The following KHSRP variants were observed in gnomAD, a reference collection of about 807,000 sequenced individuals.
KHSRP encodes far upstream element-binding protein 2.
KHSRP carries 13 observed loss-of-function variants against 94.9 expected under a neutral mutation model. The ratio of observed to expected loss-of-function variants is 0.14; its 90% CI spans 0.09 to 0.22. The LOEUF (loss-of-function observed/expected upper bound fraction) is 0.22, where lower values mean the gene tolerates loss of function less well. Ranked by LOEUF, KHSRP falls within the 10% of genes least tolerant of loss-of-function variation. The probability of loss-of-function intolerance (pLI) is 1.00; values close to 1 mark genes in which losing one functional copy is unlikely to be tolerated. For synonymous variants in KHSRP, 495 were observed against 401.4 expected, an observed-to-expected ratio of 1.23 and a Z score of -2.79; for missense variants, 710 against 1,010.0, an observed-to-expected ratio of 0.70 and a Z score of 4.03.
Position 6,418,828 on chromosome 19 carries a change from G to A in KHSRP, c.654C>T (p.Gly218=), listed in dbSNP as rs1278146845. The A allele has an allele frequency of 1.3e-6, 2 of 1,564,278 alleles. No individual in the cohort carries two copies. Among genetic ancestry groups the A allele is most frequent in the East Asian group, 2.3e-5 (1 of 44,112 alleles). The part of the protein sequence containing the change: ...LDDIVSRGRG[G]PPGQFHDNAN... The stretch of plus-strand genomic sequence containing the variant: ...CGTTGTCGTGGAACTGTCCTGGGGG[G>A]CCCCCACGACCCCGAGACACAATGT... The change falls in exon 8 of 19, where the codon GGC becomes GGT. Residue 218 remains glycine, a synonymous_variant. Coordinates refer to ENST00000600480, the MANE Select transcript of KHSRP (RefSeq NM_001366299.1). The surrounding 1 kb of genome is among the most constrained non-coding windows in gnomAD (Gnocchi z 4.3).
In KHSRP at chr19:6,416,720, G is replaced by A; in HGVS notation, c.1327+18C>T. 3.1e-6 allele frequency: 5 copies of A among 1,607,600 alleles called. No individual in the cohort carries two copies. Among genetic ancestry groups the A allele is most frequent in the South Asian group, 1.1e-5 (1 of 90,826 alleles). ...GGGAAGAGGGGGCAAGGGATAGGGT[G>A]CAGGGGGCCACACTCACCTCGGCCG... On this transcript the variant is annotated intron_variant, in intron 13 of 18. Coordinates refer to ENST00000600480, the MANE Select transcript of KHSRP (RefSeq NM_001366299.1).
chr19:6,414,064 GAAAA>G lies in KHSRP; in HGVS notation c.*956_*959del. 4.3e-6 allele frequency: 6 copies of G among 1,394,112 alleles called. No homozygotes were observed. Among genetic ancestry groups the G allele is most frequent in the African/African-American group, 1.5e-5 (1 of 66,476 alleles). 86.4% of individuals were successfully genotyped at this position (1,394,112 alleles called of 1,614,324 possible). A position where few individuals can be genotyped will look rare whatever the true frequency, so the allele number is the denominator to read the frequency against. ...AGAAGCCCCCAAACAGAACAAAATG[GAAAA>G]AAAAAAGATTTTTCACAGATGAAGA... On this transcript the variant is annotated 3_prime_UTR_variant, in exon 19 of 19. Transcript: ENST00000600480.
chr19:6,417,717 G>T, intron 11 of KHSRP, 22 bp downstream of exon 11: 1 of 1,599,564 alleles, frequency 6.3e-7, no homozygotes, highest in Non-Finnish European at 8.6e-7. Context: ...CTGGCCAGGG[G>T]CAGGGTGGGC....
At chr19:6,417,623 G>A in intron 11 of KHSRP, 116 bp downstream of exon 11, 2 of 744,940 alleles carry the variant, frequency 2.7e-6, no homozygotes, top group Non-Finnish European at 4.6e-6. Context: ...TGGACTAAGA[G>A]CCGTGAGGTG....
At position 6,414,937 on chromosome 19, in the gene KHSRP, G is replaced by A. The variant is rs552893893; in HGVS notation, c.*87C>T. Reference sequence around the variant, plus strand: ...GCAGCCGGCGCAGGGAGGCCTCTTCGTTTAACCTCTGGACCCAGCGAATGC... The same window carrying A: ...GCAGCCGGCGCAGGGAGGCCTCTTCATTTAACCTCTGGACCCAGCGAATGC... On this transcript the variant is annotated 3_prime_UTR_variant, in exon 19 of 19. Coordinates refer to ENST00000600480, the MANE Select transcript of KHSRP (RefSeq NM_001366299.1). 1.3e-4 allele frequency: 179 copies of A among 1,415,374 alleles called. 1 individual carries two copies. The highest frequency in any genetic ancestry group is 2.2e-4 in the South Asian group (14 of 63,062). 87.7% of individuals were successfully genotyped at this position (1,415,374 alleles called of 1,614,324 possible).
Position 6,414,502 on chromosome 19 carries a change from G to A in KHSRP, c.*522C>T, listed in dbSNP as rs1336294570. 2.8e-6 allele frequency: 3 copies of A among 1,065,772 alleles called. No individual in the cohort carries two copies. Among genetic ancestry groups the A allele is most frequent in the Non-Finnish European group, 3.4e-6 (3 of 881,936 alleles). 66.0% of individuals were successfully genotyped at this position (1,065,772 alleles called of 1,614,324 possible). On this transcript the variant is annotated 3_prime_UTR_variant, in exon 19 of 19. Transcript: ENST00000600480. Reference sequence around the variant, plus strand: ...AACACCCCTGTGAGGTAGGTTGGAAGGTGGCAACGATCTTCACGCCCACTT... The same window carrying A: ...AACACCCCTGTGAGGTAGGTTGGAAAGTGGCAACGATCTTCACGCCCACTT...
At chr19:6,415,356 T>G (rs764696482) in intron 18 of KHSRP, 24 bp downstream of exon 18, 1 of 1,610,534 alleles carries the variant, frequency 6.2e-7, no homozygotes, top group Non-Finnish European at 8.5e-7. Flanking sequence ...CCCCTGCCCC[T>G]GTCCCCGCAT....
chr19:6,421,390 C>CA lies in KHSRP; in HGVS notation c.386-74dup, dbSNP rs1405720299. On this transcript the variant is annotated intron_variant, in intron 3 of 18. Transcript: ENST00000600480. ...GCACTTGGCACTGCCTGCCCCGGGTCAGTGGGAGCTGAGCCCGGCACCACG... is the reference window on the plus strand; with the variant it reads ...GCACTTGGCACTGCCTGCCCCGGGTCAAGTGGGAGCTGAGCCCGGCACCACG... The CA allele has an allele frequency of 1.3e-5, 20 of 1,482,066 alleles. No homozygotes were observed. In the Admixed American group the frequency reaches 3.9e-4, roughly 29 times the overall value. 91.8% of individuals were successfully genotyped at this position (1,482,066 alleles called of 1,614,324 possible). A position where few individuals can be genotyped will look rare whatever the true frequency, so the allele number is the denominator to read the frequency against.
Position 6,414,556 on chromosome 19 carries a change from G to A in KHSRP, c.*468C>T, listed in dbSNP as rs74676861. ...AGACAAGCCCGGGACACAGGCAAGCGCGAGCGCATGGGAGGCTGAGCCCGG... is the reference window on the plus strand; with the variant it reads ...AGACAAGCCCGGGACACAGGCAAGCACGAGCGCATGGGAGGCTGAGCCCGG... On this transcript the variant is annotated 3_prime_UTR_variant, in exon 19 of 19. Coordinates refer to ENST00000600480, the MANE Select transcript of KHSRP (RefSeq NM_001366299.1). The A allele has an allele frequency of 2.9e-5, 30 of 1,023,944 alleles. No individual in the cohort carries two copies. The East Asian group carries it at 1.9e-3, about 65-fold the overall frequency. 63.4% of individuals were successfully genotyped at this position (1,023,944 alleles called of 1,614,324 possible). A position where few individuals can be genotyped will look rare whatever the true frequency, so the allele number is the denominator to read the frequency against.
chr19:6,417,062 A>G lies in KHSRP; in HGVS notation c.1107T>C (p.Ile369=). ...TGTCTGGGGGCCCCATTATATGAGC[A>G]ATCTTCTCGGGCCCTGTCCCGTCAT... is the stretch of plus-strand genomic sequence containing the variant. The part of the protein sequence containing the change: ...KQDDGTGPEK[I]AHIMGPPDRC... Residue 369 remains isoleucine, a synonymous_variant, in exon 12 of 19, where the codon ATT becomes ATC. Coordinates refer to ENST00000600480, the MANE Select transcript of KHSRP (RefSeq NM_001366299.1). The G allele has an allele frequency of 6.2e-7, 1 of 1,612,732 alleles. No individual in the cohort carries two copies. Among genetic ancestry groups the G allele is most frequent in the East Asian group, 2.2e-5 (1 of 44,868 alleles).
Position 6,415,698 on chromosome 19 carries a change from G to A in KHSRP, c.1724C>T (p.Ala575Val), listed in dbSNP as rs756355398. 1.6e-5 allele frequency: 25 copies of A among 1,548,872 alleles called. No homozygotes were observed. The highest frequency in any genetic ancestry group is 2.1e-5 in the Non-Finnish European group (24 of 1,146,816). ...GTAGTGTGAGTAGTAGGCGGCCCAC[G>A]CGGCGTTGGGGTCCGCGGCCGCTGC... ...AAAAAADPNA[A>V]WAAYYSHYYQ... The change falls in exon 17 of 19, where the codon GCG becomes GTG. Residue 575 changes from alanine (A) to valine (V), a missense_variant. Coordinates refer to ENST00000600480, the MANE Select transcript of KHSRP (RefSeq NM_001366299.1).
In KHSRP at chr19:6,414,033, C is replaced by CA; in HGVS notation, c.*990dup. On this transcript the variant is annotated 3_prime_UTR_variant, in exon 19 of 19. Transcript: ENST00000600480. The stretch of plus-strand genomic sequence containing the variant: ...CGGCAGCCATCGCTCTCTCGCCAAA[C>CA]AAAACAGAAGCCCCCAAACAGAACA... The CA allele has an allele frequency of 6.6e-7, 1 of 1,514,984 alleles. No homozygotes were observed. The highest frequency in any genetic ancestry group is 1.2e-5 in the South Asian group (1 of 81,090). 93.8% of individuals were successfully genotyped at this position (1,514,984 alleles called of 1,614,324 possible). A position where few individuals can be genotyped will look rare whatever the true frequency, so the allele number is the denominator to read the frequency against.
At chr19:6,415,775 G>A (rs769111737) in intron 16 of KHSRP, 33 bp downstream of exon 16, 2 of 1,553,176 alleles carry the variant, frequency 1.3e-6, no homozygotes, top group Non-Finnish European at 1.7e-6. Context: ...GACAGAACAG[G>A]GCCTGCCCTC....
At chr19:6,416,151 G>C in intron 15 of KHSRP, 147 bp downstream of exon 15, 1 of 676,990 alleles carries the variant, frequency 1.5e-6, no homozygotes, top group Admixed American at 3.0e-5. Context: ...CAGTAGACAG[G>C]AGAGGGCCTG....
At chr19:6,419,026 A>C in intron 7 of KHSRP, 150 bp from the exon 8 acceptor site, 1 of 1,102,554 alleles carries the variant, frequency 9.1e-7, no homozygotes, top group Non-Finnish European at 1.3e-6. Flanking sequence ...TTCAGGCTCC[A>C]GGTTCCCCAG....
At chr19:6,417,910 A>C in intron 10 of KHSRP, 69 bp from the exon 11 acceptor site, 1 of 1,603,576 alleles carries the variant, frequency 6.2e-7, no homozygotes, top group Non-Finnish European at 8.5e-7. Flanking sequence ...ACTGGCCACA[A>C]GGAGCCACTC....
rs374771139 is a variant in KHSRP, at chr19:6,415,363, G to T, written c.1966+17C>A. ...GAGGGCTGCCCCTGCCCCTGTCCCC[G>T]CATGGTGGCCACTCACCTTGCTTCT... On this transcript the variant is annotated intron_variant, in intron 18 of 18. Coordinates refer to ENST00000600480, the MANE Select transcript of KHSRP (RefSeq NM_001366299.1). 1 of 1,608,976 alleles carries T rather than the reference G, an allele frequency of 6.2e-7. No homozygotes were observed.
chr19:6,421,025 G>GC, intron 4 of KHSRP: 1 of 531,908 alleles, frequency 1.9e-6, no homozygotes, highest in Admixed American at 3.5e-5. Context: ...AGCGGAGGAA[G>GC]CCATAGGGTG....
intron 7 of KHSRP, 144 bp from the exon 8 acceptor site, chr19:6,419,020 G>A: frequency 1.8e-6 from 2 of 1,127,702 alleles, no homozygotes; most frequent in Non-Finnish European, 2.5e-6. Flanking sequence ...GGGCTGTTCA[G>A]GCTCCAGGTT....
Sources: gnomAD v4.1 joint callset for allele counts on GRCh38, gnomAD v4.1.1 for gene constraint, Gnocchi (gnomAD v3.1) non-coding constraint, MANE v1.5 for transcripts, NCBI Gene and HGNC (gene_info 2026-07-23, HGNC 2026-07-21) for gene names.